Variants in LAMB3 observed in about 807,000 individuals in gnomAD.
LAMB3 encodes the protein laminin subunit beta 3, also known as laminin subunit beta-3.
In LAMB3, 104 loss-of-function variants were observed where a neutral mutation model predicts 140.3. The observed-to-expected ratio is 0.74, with a 90% CI of 0.63 to 0.87. The LOEUF is 0.87. LAMB3 is among the 40% of genes least tolerant of loss of function. LAMB3 has a pLI of 0.00. For synonymous variants in LAMB3, 592 were observed against 602.9 expected (o/e 0.98, Z 0.26); for missense variants, 1,531 against 1,575.2 (o/e 0.97, Z 0.47).
rs748475714 is a variant in LAMB3 at position 209,623,536 on chromosome 1, G to A, written c.2327C>T (p.Ser776Leu). Reference protein sequence around the residue: ...KLVALRLEMSSLPDLTPTFNK... With the variant: ...KLVALRLEMSLLPDLTPTFNK... The stretch of plus-strand genomic sequence containing the variant: ...GAAGGTGGGTGTCAGGTCAGGCAAC[G>A]AAGACATCTCCAGCCTCAGGGCCAC... Residue 776 changes from serine to leucine, a missense_variant, in exon 16 of 23, where the codon TCG becomes TTG. Coordinates refer to ENST00000356082, the MANE Select transcript of LAMB3 (RefSeq NM_000228.3). The surrounding 1 kb of genome is among the most constrained non-coding windows in gnomAD (Gnocchi z 4.2). 189 of 1,614,086 alleles carry A rather than the reference G, an allele frequency of 1.2e-4. No homozygotes were observed. The highest frequency in any genetic ancestry group is 1.4e-4 in the Non-Finnish European group (165 of 1,180,044).
intron 2 of LAMB3, 149 bp from the exon 3 acceptor site, chr1:209,650,267 G>A (rs1444752633): frequency 1.8e-5 from 14 of 782,948 alleles, no homozygotes; most frequent in South Asian, 1.7e-4. Context: ...AATAATTGCA[G>A]TATTGATACT....
chr1:209,640,611 T>C (rs1438565533), intron 3 of LAMB3, among the ~76,000 whole-genome samples: 1 of 152,078 alleles, frequency 6.6e-6, no homozygotes, highest in East Asian at 1.9e-4. Context: ...CACCACTCAC[T>C]GTGCATTCCC....
intron 3 of LAMB3, among the ~76,000 whole-genome samples, chr1:209,639,075 G>A (rs548450615): frequency 2.0e-4 from 30 of 152,196 alleles, no homozygotes; most frequent in Non-Finnish European, 3.1e-4. Flanking sequence ...TTTAATCCTG[G>A]CAGCCTGGGA....
At chr1:209,638,048 C>T in intron 4 of LAMB3, 67 bp from the exon 5 acceptor site, 15 of 1,281,278 alleles carry the variant, frequency 1.2e-5, no homozygotes, top group Non-Finnish European at 1.3e-5. Context: ...GAAGGAAGCC[C>T]TGGATTAGAC....
chr1:209,638,051 G>T, intron 4 of LAMB3, 70 bp from the exon 5 acceptor site: 1 of 1,270,026 alleles, frequency 7.9e-7, no homozygotes, highest in Non-Finnish European at 1.1e-6. Flanking sequence ...GGAAGCCCTG[G>T]ATTAGACTAG....
intron 3 of LAMB3, among the ~76,000 whole-genome samples, chr1:209,642,173 GATTAT>G (rs1245356301): frequency 6.6e-6 from 1 of 152,048 alleles, no homozygotes; most frequent in African/African-American, 2.4e-5. Flanking sequence ...ATGGAGAAAT[GATTAT>G]ATTATGTTTT....
At chr1:209,651,021 C>G in intron 1 of LAMB3, 40 bp from the exon 2 acceptor site, 1 of 1,305,344 alleles carries the variant, frequency 7.7e-7, no homozygotes, top group Non-Finnish European at 1.1e-6. Flanking sequence ...ACAGTGCAAA[C>G]CCCTAGAGCA....
intron 2 of LAMB3, among the ~76,000 whole-genome samples, chr1:209,650,658 C>T (rs2076557314): frequency 1.3e-5 from 2 of 152,230 alleles, no homozygotes; most frequent in Admixed American, 6.5e-5. Flanking sequence ...CTGTGGAGAG[C>T]ACTCAGGAAA....
rs2102413972 is a variant in LAMB3 at position 209,623,030 on chromosome 1, A to G, written c.2508T>C (p.Ala836=). 1 of 1,613,940 alleles carries G rather than the reference A, an allele frequency of 6.2e-7. No homozygotes were observed. The highest frequency in any genetic ancestry group is 8.5e-7 in the Non-Finnish European group (1 of 1,179,992). Residue 836 remains alanine (A), a synonymous_variant, in exon 17 of 23, where the codon GCT becomes GCC. Transcript: ENST00000356082. The surrounding 1 kb of genome is among the most constrained non-coding windows in gnomAD (Gnocchi z 4.2). The stretch of plus-strand genomic sequence containing the variant: ...GGGCATTGAAGCCCCGCAGCTGCTC[A>G]GCCACCTGCCCCGCCATCAAGAAGG... ...GGAFLMAGQV[A]EQLRGFNAQL... is the part of the protein sequence containing the mutation.
Position 209,618,478 on chromosome 1 carries a change from C to T in LAMB3, c.2883G>A (p.Arg961=), listed in dbSNP as rs1202567278. 6.2e-7 allele frequency: 1 copy of T among 1,614,048 alleles called. No homozygotes were observed. The highest frequency in any genetic ancestry group is 1.3e-5 in the African/African-American group (1 of 74,954). Residue 961 remains arginine, a synonymous_variant, in exon 19 of 23, where the codon CGG becomes CGA. Transcript: ENST00000356082. ...QTKQDIARAR[R]LQAEAEEARS... is the part of the protein sequence containing the mutation. The stretch of plus-strand genomic sequence containing the variant: ...TGGCTTCCTCAGCCTCAGCCTGCAA[C>T]CGGCGGGCACGCGCAATGTCCTGCT...
At chr1:209,639,262 C>G (rs1375937369) in intron 3 of LAMB3, among the ~76,000 whole-genome samples, 1 of 152,182 alleles carries the variant, frequency 6.6e-6, no homozygotes, top group Non-Finnish European at 1.5e-5. Flanking sequence ...TTAGCATATA[C>G]TATGTGCCAG....
chr1:209,625,973 C>T lies in LAMB3; in HGVS notation c.1651G>A (p.Gly551Ser), dbSNP rs762860854. The T allele has an allele frequency of 6.2e-7, 1 of 1,613,734 alleles. No individual in the cohort carries two copies. Among genetic ancestry groups the T allele is most frequent in the Non-Finnish European group, 8.5e-7 (1 of 1,179,816 alleles). ...AAGCCAGGGCGGCAGAGGCAGCGGCCTGATGCCTTGTCGCAGCCCGGGCCC... is the reference window on the plus strand; with the variant it reads ...AAGCCAGGGCGGCAGAGGCAGCGGCTTGATGCCTTGTCGCAGCCCGGGCCC... ...TEGPGCDKASGRCLCRPGLTG... is the reference protein window; with the variant it reads ...TEGPGCDKASSRCLCRPGLTG... Residue 551 changes from glycine (G) to serine (S), a missense_variant, in exon 14 of 23, where the codon GGC becomes AGC. By Grantham distance (56) the Gly-to-Ser change is moderately conservative (BLOSUM62 0). Transcript: ENST00000356082.
intron 17 of LAMB3, 150 bp from the exon 18 acceptor site, chr1:209,622,830 G>A: frequency 7.4e-7 from 1 of 1,355,722 alleles, no homozygotes; most frequent in Non-Finnish European, 1.0e-6. Flanking sequence ...CAGTAAAAGA[G>A]AAAAAAAACT....
At chr1:209,633,265 G>A in intron 6 of LAMB3, 132 bp from the exon 7 acceptor site, 1 of 733,698 alleles carries the variant, frequency 1.4e-6, no homozygotes, top group Non-Finnish European at 2.5e-6. Flanking sequence ...GATAGACCAT[G>A]GCTATGAGGC....
intron 3 of LAMB3, among the ~76,000 whole-genome samples, chr1:209,644,996 G>A (rs556373563): frequency 6.6e-6 from 1 of 152,320 alleles, no homozygotes; most frequent in South Asian, 2.1e-4. Context: ...GCAAAGTTGT[G>A]AGGCCATCCA....
At chr1:209,636,480 A>G (rs1483792997) in intron 5 of LAMB3, among the ~76,000 whole-genome samples, 1 of 152,170 alleles carries the variant, frequency 6.6e-6, no homozygotes, top group African/African-American at 2.4e-5. Context: ...CACCTAGCAC[A>G]TGGGTGTTTA....
At chr1:209,616,254 T>C (rs1019716927) in intron 22 of LAMB3, among the ~76,000 whole-genome samples, 1 of 151,970 alleles carries the variant, frequency 6.6e-6, no homozygotes, top group South Asian at 2.1e-4. Context: ...GAGAAAATGG[T>C]CCCATTAATT....
chr1:209,622,122 G>A (rs1666217392), intron 18 of LAMB3, among the ~76,000 whole-genome samples: 1 of 152,218 alleles, frequency 6.6e-6, no homozygotes, highest in Non-Finnish European at 1.5e-5. Flanking sequence ...GCAAGAGCCT[G>A]ACATGTTCAA....
rs192599054 is a variant in LAMB3 at position 209,640,534 on chromosome 1, C to A, written c.184-1886G>T. On this transcript the variant is annotated intron_variant, in intron 3 of 22. Transcript: ENST00000356082. ...CTGCACTCCAGCCTAGGCGACAGAGCGAGACTCTGTCTCAAAAAAAAAAAA... is the reference window on the plus strand; with the variant it reads ...CTGCACTCCAGCCTAGGCGACAGAGAGAGACTCTGTCTCAAAAAAAAAAAA... 9.9e-5 allele frequency among the ~76,000 whole-genome samples: 15 copies of A among 151,506 alleles called. No homozygotes were observed. The East Asian group carries it at 2.8e-3, about 28-fold the overall frequency.
Sources: gnomAD v4.1 joint callset for allele counts (sites outside exome capture counted in the v4.1 genomes callset) on GRCh38, gnomAD v4.1.1 for gene constraint, Gnocchi (gnomAD v3.1) non-coding constraint, MANE v1.5 for transcripts, NCBI Gene and HGNC (gene_info 2026-07-23, HGNC 2026-07-21) for gene names.